The following ZFPM2 variants were observed in gnomAD, a reference collection of about 807,000 sequenced individuals.
ZFPM2 encodes the protein zinc finger protein, FOG family member 2.
Under a neutral mutation model 98.6 loss-of-function variants are expected in ZFPM2, and 20 were observed. That is an observed-to-expected ratio of 0.20 (90% confidence interval 0.14 to 0.29). The LOEUF is 0.29. ZFPM2 is among the 10% of genes least tolerant of loss of function. The pLI is 1.00. For missense variants in ZFPM2, 1,310 were observed against 1,388.6 expected (o/e 0.94, Z 0.90); for synonymous variants, 518 against 502.7 (o/e 1.03, Z -0.41).
At chr8:105,800,108 A>G (rs1324429223) in intron 7 of ZFPM2, among the ~76,000 whole-genome samples, 1 of 152,184 alleles carries the variant, frequency 6.6e-6, no homozygotes, top group Non-Finnish European at 1.5e-5. Context: ...GGAAAAAAAA[A>G]TGAGTATTAG....
At chr8:105,566,467 A>G (rs1815246024) in intron 4 of ZFPM2, among the ~76,000 whole-genome samples, 1 of 152,156 alleles carries the variant, frequency 6.6e-6, no homozygotes, top group African/African-American at 2.4e-5. Context: ...TCTGATCAAT[A>G]TCTGGTTTGG....
intron 4 of ZFPM2, among the ~76,000 whole-genome samples, chr8:105,591,083 C>T (rs556232057): frequency 9.2e-5 from 14 of 152,106 alleles, no homozygotes; most frequent in South Asian, 8.3e-4. Context: ...CACTAAAGCT[C>T]GGAGCCTTAG....
intron 3 of ZFPM2, among the ~76,000 whole-genome samples, chr8:105,470,262 C>T (rs1296528624): frequency 6.6e-6 from 1 of 152,104 alleles, no homozygotes; most frequent in East Asian, 1.9e-4. Context: ...GGAGCCGGGA[C>T]ACCGAACTTA....
chr8:105,563,229 G>GA (rs1324054106), intron 4 of ZFPM2, among the ~76,000 whole-genome samples: 1 of 152,168 alleles, frequency 6.6e-6, no homozygotes, highest in Admixed American at 6.6e-5. Context: ...GTTATTACAT[G>GA]AAAGAAATTG....
At chr8:105,775,880 C>T (rs1813093934) in intron 5 of ZFPM2, among the ~76,000 whole-genome samples, 1 of 152,070 alleles carries the variant, frequency 6.6e-6, no homozygotes, top group Admixed American at 6.6e-5. Flanking sequence ...AGGTAGGATA[C>T]CTGAGCCCCA....
chr8:105,591,201 CTTTA>C (rs1435883388), intron 4 of ZFPM2, among the ~76,000 whole-genome samples: 1 of 151,126 alleles, frequency 6.6e-6, no homozygotes, highest in African/African-American at 2.4e-5. Context: ...GAACAATAAA[CTTTA>C]TATAATCATG....
At chr8:105,524,563 T>A (rs1814132283) in intron 3 of ZFPM2, among the ~76,000 whole-genome samples, 1 of 152,088 alleles carries the variant, frequency 6.6e-6, no homozygotes, top group African/African-American at 2.4e-5. Flanking sequence ...AGGCCAATAC[T>A]TTGAGCAAGG....
rs115602080 is a variant in ZFPM2, at chr8:105,579,413, A to G, written c.420+17932A>G. On this transcript the variant is annotated intron_variant, in intron 4 of 7. Transcript: ENST00000407775. The stretch of plus-strand genomic sequence containing the variant: ...ATCTTCACTCCCTCCCTTTTTAGAG[A>G]CAGTATCACTGATTCATAAGGATTA... 3.0e-3 allele frequency among the ~76,000 whole-genome samples: 461 copies of G among 152,234 alleles called. 1 individual carries two copies. Among genetic ancestry groups the G allele is most frequent in the African/African-American group, 0.01 (433 of 41,558 alleles).
chr8:105,783,702 T>C (rs1264771602), intron 5 of ZFPM2, among the ~76,000 whole-genome samples: 1 of 152,178 alleles, frequency 6.6e-6, no homozygotes, highest in African/African-American at 2.4e-5. Flanking sequence ...ATCCATGTTG[T>C]AGCATATGTC....
intron 5 of ZFPM2, among the ~76,000 whole-genome samples, chr8:105,725,021 T>G (rs1811775181): frequency 6.6e-6 from 1 of 151,834 alleles, no homozygotes; most frequent in Non-Finnish European, 1.5e-5. Flanking sequence ...TCACATTTTT[T>G]TATCTGCCTT....
chr8:105,725,519 G>C (rs1811787302), intron 5 of ZFPM2, among the ~76,000 whole-genome samples: 1 of 151,686 alleles, frequency 6.6e-6, no homozygotes, highest in African/African-American at 2.4e-5. Context: ...TATCAGCTGG[G>C]ATACTTTTGA....
chr8:105,630,199 C>T (rs1284265448), intron 4 of ZFPM2, among the ~76,000 whole-genome samples: 1 of 152,156 alleles, frequency 6.6e-6, no homozygotes, highest in African/African-American at 2.4e-5. Context: ...TAGCTTCTAG[C>T]TCTTAGCATT....
chr8:105,667,771 CT>C (rs1306261157), intron 5 of ZFPM2, among the ~76,000 whole-genome samples: 3 of 152,006 alleles, frequency 2.0e-5, no homozygotes, highest in Non-Finnish European at 4.4e-5. Flanking sequence ...CCAATTCTCA[CT>C]TTTTTTGTTT....
intron 5 of ZFPM2, among the ~76,000 whole-genome samples, chr8:105,768,267 A>G (rs1186812513): frequency 6.6e-6 from 1 of 151,968 alleles, no homozygotes; most frequent in Non-Finnish European, 1.5e-5. Context: ...ATATAACACT[A>G]TTAATAAAAC....
intron 4 of ZFPM2, among the ~76,000 whole-genome samples, chr8:105,571,725 G>A (rs1440512141): frequency 6.6e-6 from 1 of 152,182 alleles, no homozygotes; most frequent in Admixed American, 6.5e-5. Flanking sequence ...AGAGAGAATG[G>A]AGATAGGTAC....
intron 4 of ZFPM2, among the ~76,000 whole-genome samples, chr8:105,562,043 C>T (rs1159456659): frequency 6.6e-6 from 1 of 152,056 alleles, no homozygotes; most frequent in Non-Finnish European, 1.5e-5. Context: ...CAGTGGCTCA[C>T]TCTTGTAATC....
chr8:105,365,358 G>T (rs1375984991), intron 1 of ZFPM2, among the ~76,000 whole-genome samples: 5 of 152,112 alleles, frequency 3.3e-5, no homozygotes, highest in Admixed American at 6.6e-5. Context: ...GAACATGTTT[G>T]CTGGAACCAG....
At chr8:105,526,082 A>G (rs1185711314) in intron 3 of ZFPM2, among the ~76,000 whole-genome samples, 1 of 152,196 alleles carries the variant, frequency 6.6e-6, no homozygotes, top group Non-Finnish European at 1.5e-5. Flanking sequence ...ATTTTTATAG[A>G]AAATTGAGGT....
intron 5 of ZFPM2, among the ~76,000 whole-genome samples, chr8:105,783,814 GT>G (rs1240033873): frequency 1.3e-3 from 196 of 152,162 alleles, no homozygotes; most frequent in Admixed American, 3.7e-3. Context: ...TTGTTTCCAT[GT>G]TTTAGCTATT....
Sources: gnomAD v4.1 joint callset for allele counts (sites outside exome capture counted in the v4.1 genomes callset) on GRCh38, gnomAD v4.1.1 for gene constraint, MANE v1.5 for transcripts, NCBI Gene and HGNC (gene_info 2026-07-23, HGNC 2026-07-21) for gene names.